The following RGS7 variants were observed in gnomAD, a reference collection of about 807,000 sequenced individuals.
RGS7 encodes regulator of G-protein signaling 7.
RGS7 carries 27 observed loss-of-function variants against 81.1 expected under a neutral mutation model. The observed-to-expected ratio is 0.33, with a 90% CI of 0.25 to 0.46. RGS7 has a LOEUF of 0.46. RGS7 is among the 20% of genes least tolerant of loss of function. The probability of loss-of-function intolerance (pLI) is 1.00; values close to 1 mark genes in which losing one functional copy is unlikely to be tolerated. For missense variants in RGS7, 396 were observed against 607.4 expected (o/e 0.65, Z 3.66); for synonymous variants, 208 against 207.7 (o/e 1.00, Z -0.01).
chr1:240,969,045 ATATAATCG>A (rs1362086737), intron 4 of RGS7, among the ~76,000 whole-genome samples: 4 of 152,262 alleles, frequency 2.6e-5, no homozygotes, highest in African/African-American at 7.2e-5. Context: ...TGGGTAACAG[ATATAATCG>A]TACATTTCTC....
chr1:241,274,097 C>T (rs1229680624), intron 2 of RGS7, among the ~76,000 whole-genome samples: 1 of 152,224 alleles, frequency 6.6e-6, no homozygotes, highest in Non-Finnish European at 1.5e-5. Context: ...GCATACTCAG[C>T]TCTGATGGGT....
chr1:241,196,200 A>G (rs1453926131), intron 2 of RGS7, among the ~76,000 whole-genome samples: 1 of 152,152 alleles, frequency 6.6e-6, no homozygotes, highest in Non-Finnish European at 1.5e-5. Context: ...CAGTAGAAAG[A>G]TATCTTTAGA....
intron 2 of RGS7, among the ~76,000 whole-genome samples, chr1:241,141,891 T>C (rs558551560): frequency 1.6e-4 from 25 of 152,208 alleles, no homozygotes; most frequent in Non-Finnish European, 3.4e-4. Flanking sequence ...CTCTTCCACC[T>C]ATGAGCCTGT....
At chr1:240,838,146 G>A (rs529423709) in intron 9 of RGS7, among the ~76,000 whole-genome samples, 1 of 152,318 alleles carries the variant, frequency 6.6e-6, no homozygotes, top group South Asian at 2.1e-4. Flanking sequence ...TCTGGAGGCT[G>A]GGAAGTTCAA....
chr1:240,885,557 G>C (rs1401177106), intron 6 of RGS7, among the ~76,000 whole-genome samples: 1 of 152,184 alleles, frequency 6.6e-6, no homozygotes, highest in Non-Finnish European at 1.5e-5. Context: ...CATGGGATAC[G>C]ATGCAGCCAT....
intron 2 of RGS7, among the ~76,000 whole-genome samples, chr1:241,316,563 A>T (rs949514358): frequency 2.0e-5 from 3 of 152,224 alleles, no homozygotes; most frequent in Non-Finnish European, 2.9e-5. Context: ...AGTATTTCAC[A>T]ATACCAAACA....
At chr1:240,837,890 A>G (rs577717448) in intron 9 of RGS7, among the ~76,000 whole-genome samples, 1 of 152,360 alleles carries the variant, frequency 6.6e-6, no homozygotes, top group East Asian at 1.9e-4. Flanking sequence ...AATTTTTACA[A>G]CAGATAGCAA....
At chr1:241,043,962 G>A (rs1365823396) in intron 3 of RGS7, among the ~76,000 whole-genome samples, 3 of 152,072 alleles carry the variant, frequency 2.0e-5, no homozygotes, top group Admixed American at 2.0e-4. Context: ...TTGCATGTAT[G>A]CTTGTAGAAA....
At chr1:240,929,823 T>A (rs1357286308) in intron 6 of RGS7, among the ~76,000 whole-genome samples, 3 of 152,160 alleles carry the variant, frequency 2.0e-5, no homozygotes, top group Non-Finnish European at 4.4e-5. Flanking sequence ...CCAGGGAAAG[T>A]CAATTTCTCA....
At chr1:240,949,373 C>G (rs1679177832) in intron 4 of RGS7, among the ~76,000 whole-genome samples, 1 of 152,184 alleles carries the variant, frequency 6.6e-6, no homozygotes, top group Non-Finnish European at 1.5e-5. Flanking sequence ...ATCCACCCAT[C>G]TGCTATCCAC....
chr1:241,023,888 G>C (rs113774747), intron 3 of RGS7, among the ~76,000 whole-genome samples: 1,534 of 152,242 alleles, frequency 0.01, 23 homozygotes, highest in African/African-American at 0.035. Flanking sequence ...TGGGATTACA[G>C]GCATGCGCCA....
intron 6 of RGS7, among the ~76,000 whole-genome samples, chr1:240,906,476 C>A (rs1004068634): frequency 2.6e-5 from 4 of 152,188 alleles, no homozygotes; most frequent in Admixed American, 2.6e-4. Flanking sequence ...CTCCGTATAA[C>A]CTAAGCAAAG....
intron 2 of RGS7, among the ~76,000 whole-genome samples, chr1:241,277,141 A>C (rs1385096052): frequency 1.3e-5 from 2 of 152,210 alleles, no homozygotes; most frequent in Admixed American, 1.3e-4. Flanking sequence ...CTCCTATTGT[A>C]TGCATTGCTC....
chr1:241,134,702 G>A (rs966417788), intron 2 of RGS7, among the ~76,000 whole-genome samples: 1 of 152,154 alleles, frequency 6.6e-6, no homozygotes, highest in Non-Finnish European at 1.5e-5. Flanking sequence ...GAATGGGAGA[G>A]AGTTGAAGCA....
intron 6 of RGS7, among the ~76,000 whole-genome samples, chr1:240,908,253 C>G (rs369381563): frequency 6.6e-6 from 1 of 151,406 alleles, no homozygotes; most frequent in East Asian, 2.0e-4. Flanking sequence ...ATGTAAACGA[C>G]GAGTTAATGG....
intron 3 of RGS7, among the ~76,000 whole-genome samples, chr1:241,089,958 C>A (rs111769843): frequency 2.8e-5 from 4 of 143,462 alleles, no homozygotes; most frequent in African/African-American, 1.1e-4. Flanking sequence ...CGCGCCACTG[C>A]ACTCCAGCCT....
chr1:241,086,278 A>G (rs2063439010), intron 3 of RGS7, among the ~76,000 whole-genome samples: 1 of 152,220 alleles, frequency 6.6e-6, no homozygotes, highest in African/African-American at 2.4e-5. Context: ...CCATGAAGAA[A>G]GAAAGGAAGA....
chr1:240,850,193 T>C (rs1392783754), intron 9 of RGS7, among the ~76,000 whole-genome samples: 6 of 152,258 alleles, frequency 3.9e-5, no homozygotes, highest in Admixed American at 3.3e-4. Context: ...TTTGTTTTTG[T>C]TTTGTTCTTT....
At chr1:241,008,912 CAAAAAAAAAAAAAA>C (rs33916247) in intron 3 of RGS7, among the ~76,000 whole-genome samples, 2 of 77,908 alleles carry the variant, frequency 2.6e-5, no homozygotes, top group African/African-American at 4.6e-5. Flanking sequence ...ACTCTGTCTC[CAAAAAAAAAAAAAA>C]AAAAAAAAAA....
Sources: allele counts gnomAD v4.1 joint callset (sites outside exome capture counted in the v4.1 genomes callset), GRCh38; gene constraint gnomAD v4.1.1; transcripts MANE v1.5; gene names NCBI Gene and HGNC (gene_info 2026-07-23, HGNC 2026-07-21).